The following GIPC2 variants were observed in gnomAD, a reference collection of about 807,000 sequenced individuals.
GIPC2 encodes the protein GIPC PDZ domain containing family member 2.
In GIPC2, 30 loss-of-function variants were observed where a neutral mutation model predicts 30.6. The ratio of observed to expected loss-of-function variants is 0.98; its 90% CI spans 0.73 to 1.33. The LOEUF (loss-of-function observed/expected upper bound fraction) is 1.33. Among genes scored for constraint, GIPC2 ranks in the 40% most tolerant of loss-of-function variants. The pLI, the probability that GIPC2 is intolerant of heterozygous loss-of-function variation, is 0.00. For missense variants in GIPC2, 414 were observed against 390.3 expected (o/e 1.06, Z -0.51); for synonymous variants, 167 against 150.0 (o/e 1.11, Z -0.83).
chr1:78,077,916 C>T (rs1309629603), intron 1 of GIPC2, among the ~76,000 whole-genome samples: 2 of 152,028 alleles, frequency 1.3e-5, no homozygotes, highest in African/African-American at 4.8e-5. Flanking sequence ...CGGCCGGGCG[C>T]GGTGGCTCAC....
At chr1:78,073,192 C>A (rs2100330545) in intron 1 of GIPC2, among the ~76,000 whole-genome samples, 1 of 151,822 alleles carries the variant, frequency 6.6e-6, no homozygotes, top group East Asian at 1.9e-4. Flanking sequence ...CAACCTCTAC[C>A]TCCTGGGTTC....
chr1:78,122,190 A>G (rs1376159245), intron 4 of GIPC2, among the ~76,000 whole-genome samples: 1 of 152,264 alleles, frequency 6.6e-6, no homozygotes, highest in African/African-American at 2.4e-5. Context: ...TTAGTAAAAT[A>G]GGGCAATTAA....
intron 2 of GIPC2, among the ~76,000 whole-genome samples, chr1:78,082,641 G>C (rs1661852207): frequency 6.6e-6 from 1 of 152,136 alleles, no homozygotes; most frequent in Non-Finnish European, 1.5e-5. Flanking sequence ...TTTAAAAAAT[G>C]CTTTGTCAAA....
chr1:78,070,607 G>A (rs1377783654), intron 1 of GIPC2, among the ~76,000 whole-genome samples: 1 of 152,088 alleles, frequency 6.6e-6, no homozygotes, highest in Non-Finnish European at 1.5e-5. Context: ...ACAAAGGCAA[G>A]ACTTACACCT....
chr1:78,053,768 C>CA (rs11444194), intron 1 of GIPC2, among the ~76,000 whole-genome samples: 36,202 of 127,824 alleles, frequency 0.28, 5,958 homozygotes, highest in Non-Finnish European at 0.39. Flanking sequence ...AAAAAAAAGC[C>CA]AAAAAAAAAA....
upstream of GIPC2, chr1:78,045,062 T>C (rs2102628961): frequency 2.0e-6 from 2 of 983,042 alleles, no homozygotes; most frequent in Non-Finnish European, 2.4e-6. Context: ...GAGGACAAAA[T>C]TTAAGAAGAA....
chr1:78,105,027 C>T (rs1171834267), intron 3 of GIPC2, among the ~76,000 whole-genome samples: 2 of 152,072 alleles, frequency 1.3e-5, no homozygotes, highest in African/African-American at 4.8e-5. Flanking sequence ...TCCAAGTTCC[C>T]TTTTGTGGAG....
intron 2 of GIPC2, among the ~76,000 whole-genome samples, chr1:78,086,346 T>A (rs917762424): frequency 2.6e-5 from 4 of 152,236 alleles, no homozygotes; most frequent in Admixed American, 2.0e-4. Flanking sequence ...AGTTATAATA[T>A]GTGGTCAATT....
chr1:78,104,356 T>C (rs1051180743), intron 3 of GIPC2, among the ~76,000 whole-genome samples: 1 of 152,142 alleles, frequency 6.6e-6, no homozygotes, highest in African/African-American at 2.4e-5. Context: ...AGAGCTCTTA[T>C]TAATAGCTCT....
intron 2 of GIPC2, among the ~76,000 whole-genome samples, chr1:78,082,868 C>T (rs1236300840): frequency 1.3e-5 from 2 of 152,098 alleles, no homozygotes; most frequent in Non-Finnish European, 2.9e-5. Context: ...ACAAAGAACT[C>T]CCATAAATCA....
chr1:78,127,985 G>A (rs1220705508), intron 5 of GIPC2, among the ~76,000 whole-genome samples: 1 of 143,590 alleles, frequency 7.0e-6, no homozygotes, highest in Non-Finnish European at 1.5e-5. Context: ...AGCCATCATT[G>A]CCAGCCCTGA....
intron 1 of GIPC2, 109 bp from the exon 2 acceptor site, chr1:78,080,566 T>G: frequency 1.5e-6 from 1 of 647,472 alleles, no homozygotes; most frequent in Non-Finnish European, 2.7e-6. Flanking sequence ...GATGTAACTC[T>G]TTACATCATA....
intron 3 of GIPC2, among the ~76,000 whole-genome samples, chr1:78,108,301 G>A (rs1446070594): frequency 6.6e-6 from 1 of 152,186 alleles, no homozygotes; most frequent in Admixed American, 6.5e-5. Context: ...CCCCAGAGAT[G>A]CACATTAACT....
intron 3 of GIPC2, among the ~76,000 whole-genome samples, chr1:78,097,300 T>A (rs908998939): frequency 5.3e-5 from 8 of 152,216 alleles, no homozygotes; most frequent in African/African-American, 1.7e-4. Flanking sequence ...CCTCTTGGAT[T>A]TCTACCAGGA....
chr1:78,135,826 A>G lies in GIPC2; in HGVS notation c.*83A>G. 9.3e-7 allele frequency: 1 copy of G among 1,073,578 alleles called. No homozygotes were observed. Among genetic ancestry groups the G allele is most frequent in the Non-Finnish European group, 1.4e-6 (1 of 724,008 alleles). 66.5% of individuals were successfully genotyped at this position (1,073,578 alleles called of 1,614,324 possible). A position where few individuals can be genotyped will look rare whatever the true frequency, so the allele number is the denominator to read the frequency against. On this transcript the variant is annotated 3_prime_UTR_variant, in exon 6 of 6. Coordinates refer to ENST00000370759, the MANE Select transcript of GIPC2 (RefSeq NM_017655.6). ...AAAGTCCTATAAGATCTGTTTTTGG[A>G]CACCTTTACTAACTCTGGTTTAATT...
chr1:78,115,276 T>C (rs1662548012), intron 3 of GIPC2, among the ~76,000 whole-genome samples: 1 of 152,192 alleles, frequency 6.6e-6, no homozygotes. Flanking sequence ...ATTGGCAATA[T>C]ATTATTTTAC....
intron 5 of GIPC2, among the ~76,000 whole-genome samples, chr1:78,130,590 G>T (rs149635789): frequency 0.011 from 1,612 of 152,212 alleles, 16 homozygotes; most frequent in Non-Finnish European, 0.019. Context: ...GAAAAGTAAG[G>T]CCTGAAGACC....
At chr1:78,092,122 G>A in intron 2 of GIPC2, 1 of 985,494 alleles carries the variant, frequency 1.0e-6, no homozygotes, top group Non-Finnish European at 1.6e-6. Flanking sequence ...AAAAGTAGCA[G>A]GGTGTTCAGG....
In GIPC2 at chr1:78,137,808, C is replaced by A. The variant is rs1663033897; in HGVS notation, c.*2065C>A. On this transcript the variant is annotated 3_prime_UTR_variant, in exon 6 of 6. Coordinates refer to ENST00000370759, the MANE Select transcript of GIPC2 (RefSeq NM_017655.6). ...TTTATTCCCATACCTAAAATTGCAT[C>A]TATTTGTGAGCTTTCTGCCTTTTTG... is the stretch of plus-strand genomic sequence containing the variant. 6.6e-6 allele frequency: 1 copy of A among 152,134 alleles called. No individual in the cohort carries two copies. Among genetic ancestry groups the A allele is most frequent in the Admixed American group, 6.5e-5 (1 of 15,274 alleles). The allele number at this position is 152,134 out of a possible 1,614,324, so 9.4% of individuals were successfully genotyped here.
Sources: allele counts gnomAD v4.1 joint callset (sites outside exome capture counted in the v4.1 genomes callset), GRCh38; gene constraint gnomAD v4.1.1; transcripts MANE v1.5; gene names NCBI Gene and HGNC (gene_info 2026-07-23, HGNC 2026-07-21).